MAP3K3: variants seen among roughly 807,000 people sequenced by gnomAD.
MAP3K3 encodes mitogen-activated protein kinase kinase kinase 3, also known as MAP/ERK kinase kinase 3.
MAP3K3 carries 12 observed loss-of-function variants against 80.9 expected under a neutral mutation model. The ratio of observed to expected loss-of-function variants is 0.15; its 90% CI spans 0.10 to 0.24. The LOEUF is 0.24. MAP3K3 is among the 10% of genes least tolerant of loss of function. The probability of loss-of-function intolerance (pLI) is 1.00; values close to 1 mark genes in which losing one functional copy is unlikely to be tolerated. For synonymous variants in MAP3K3, 272 were observed against 307.1 expected, an observed-to-expected ratio of 0.89 and a Z score of 1.19; for missense variants, 596 against 834.7, an observed-to-expected ratio of 0.71 and a Z score of 3.52.
At chr17:63,636,729 C>A in intron 2 of MAP3K3, 1 of 291,824 alleles carries the variant, frequency 3.4e-6, no homozygotes, top group Admixed American at 3.9e-5. Context: ...GTGACAAGGA[C>A]AATGACATTG....
At chr17:63,640,138 G>A (rs1350931242) in intron 2 of MAP3K3, among the ~76,000 whole-genome samples, 1 of 152,182 alleles carries the variant, frequency 6.6e-6, no homozygotes, top group Non-Finnish European at 1.5e-5. Context: ...CACTGAGCCA[G>A]GCATGGTGAC....
At position 63,688,776 on chromosome 17, in the gene MAP3K3, C is replaced by G; in HGVS notation, c.779-13C>G. On this transcript the variant is annotated splice_polypyrimidine_tract_variant and intron_variant, in intron 9 of 15. Transcript: ENST00000361733. The stretch of plus-strand genomic sequence containing the variant: ...ACCTACCCAGAAGCCAGTGATTCCC[C>G]TGTCTTACTCAGATCGGGAAACTCA... The G allele has an allele frequency of 6.3e-7, 1 of 1,598,124 alleles. No individual in the cohort carries two copies. Among genetic ancestry groups the G allele is most frequent in the South Asian group, 1.1e-5 (1 of 90,780 alleles).
chr17:63,655,177 C>G (rs1253487995), intron 4 of MAP3K3, among the ~76,000 whole-genome samples: 1 of 152,004 alleles, frequency 6.6e-6, no homozygotes, highest in African/African-American at 2.4e-5. Context: ...CTTCACATGG[C>G]GACAGGAGAG....
In MAP3K3 at chr17:63,691,798, G is replaced by A. The variant is rs192462187; in HGVS notation, c.1410G>A (p.Thr470=). Residue 470 remains threonine, a synonymous_variant, in exon 14 of 16, where the codon ACG becomes ACA. Transcript: ENST00000361733. This position sits in a 1 kb window ranked among gnomAD's most constrained non-coding sequence, Gnocchi z 4.8. ...ALTESVTRKY[T]RQILEGMSYL... ...CAGAGAGCGTGACCCGAAAGTACAC[G>A]CGGCAGATCCTGGAGGGCATGTCCT... 4.3e-4 allele frequency: 690 copies of A among 1,614,128 alleles called. No homozygotes were observed. Among genetic ancestry groups the A allele is most frequent in the Middle Eastern group, 9.9e-4 (6 of 6,062 alleles).
chr17:63,624,700 C>T (rs1158753641), intron 1 of MAP3K3, among the ~76,000 whole-genome samples: 3 of 152,194 alleles, frequency 2.0e-5, no homozygotes, highest in African/African-American at 7.2e-5. Context: ...AATTAACTTC[C>T]CTGGTGGCTG....
chr17:63,660,471 G>A (rs545805704), intron 5 of MAP3K3, among the ~76,000 whole-genome samples: 2 of 151,584 alleles, frequency 1.3e-5, no homozygotes, highest in African/African-American at 2.4e-5. Context: ...TCTCAGCCTC[G>A]CAAAGTGCTG....
intron 1 of MAP3K3, among the ~76,000 whole-genome samples, chr17:63,624,670 TA>T (rs2034065091): frequency 6.6e-6 from 1 of 152,206 alleles, no homozygotes; most frequent in South Asian, 2.1e-4. Context: ...AAGACACATG[TA>T]AAAGGAACAT....
At chr17:63,671,916 G>T (rs967583697) in intron 6 of MAP3K3, among the ~76,000 whole-genome samples, 1 of 151,926 alleles carries the variant, frequency 6.6e-6, no homozygotes, top group African/African-American at 2.4e-5. Flanking sequence ...GGAGGCTAAG[G>T]TGGGAGGATG....
rs2035680583 is a variant in MAP3K3, at chr17:63,695,806, CCAA to C, written c.*2033_*2035del. Reference sequence around the variant, plus strand: ...TTTTGAAAATGAATTTGAAGACAAGCCAACAAACCCTGCACTCCAAAAAAGCAA... The same window carrying C: ...TTTTGAAAATGAATTTGAAGACAAGCCAAACCCTGCACTCCAAAAAAGCAA... On this transcript the variant is annotated 3_prime_UTR_variant, in exon 16 of 16. Transcript: ENST00000361733. This position sits in a 1 kb window ranked among gnomAD's most constrained non-coding sequence, Gnocchi z 4.1. 6.6e-6 allele frequency: 1 copy of C among 152,602 alleles called. No homozygotes were observed. 9.5% of individuals were successfully genotyped at this position (152,602 alleles called of 1,614,324 possible). A position where few individuals can be genotyped will look rare whatever the true frequency, so the allele number is the denominator to read the frequency against.
intron 3 of MAP3K3, among the ~76,000 whole-genome samples, chr17:63,649,443 AAAAAAG>A: frequency 7.0e-6 from 1 of 142,402 alleles, no homozygotes; most frequent in Non-Finnish European, 1.5e-5. Context: ...AAAAAAAAAA[AAAAAAG>A]TAGACAGGAT....
rs556441491 is a variant in MAP3K3, at chr17:63,644,375, C to T, written c.127-1659C>T. On this transcript the variant is annotated intron_variant, in intron 2 of 15. Transcript: ENST00000361733. ...GATTACAGGTGTGCGCCATTACTCACGGCACACTTTTTGTATTTTAAGTAG... is the reference window on the plus strand; with the variant it reads ...GATTACAGGTGTGCGCCATTACTCATGGCACACTTTTTGTATTTTAAGTAG... 2.9e-4 allele frequency among the ~76,000 whole-genome samples: 44 copies of T among 151,934 alleles called. No individual in the cohort carries two copies. In the South Asian group the frequency reaches 7.1e-3, roughly 24 times the overall value.
At chr17:63,670,586 CAA>C (rs756058538) in intron 6 of MAP3K3, among the ~76,000 whole-genome samples, 7 of 79,952 alleles carry the variant, frequency 8.8e-5, no homozygotes, top group Non-Finnish European at 1.2e-4. Context: ...GACTCTGTCT[CAA>C]AAAAAAAAAA....
intron 5 of MAP3K3, among the ~76,000 whole-genome samples, chr17:63,660,273 T>C (rs1302224690): frequency 6.6e-6 from 1 of 152,068 alleles, no homozygotes; most frequent in Non-Finnish European, 1.5e-5. Flanking sequence ...CAGTGACAGC[T>C]CACCACAGCC....
At chr17:63,650,650 G>C (rs1252373898) in intron 3 of MAP3K3, among the ~76,000 whole-genome samples, 6 of 141,352 alleles carry the variant, frequency 4.2e-5, no homozygotes, top group East Asian at 2.1e-4. Flanking sequence ...CTCTCTCTCT[G>C]TCTCTTATAG....
intron 1 of MAP3K3, among the ~76,000 whole-genome samples, chr17:63,631,739 A>G (rs1393109392): frequency 6.6e-6 from 1 of 152,212 alleles, no homozygotes; most frequent in East Asian, 1.9e-4. Flanking sequence ...TAATGCCAGT[A>G]AGGTGGAGAC....
chr17:63,632,220 G>A (rs1455750325), intron 1 of MAP3K3, among the ~76,000 whole-genome samples: 1 of 152,154 alleles, frequency 6.6e-6, no homozygotes, highest in African/African-American at 2.4e-5. Context: ...AGGCATGGTG[G>A]CCCACACCTG....
chr17:63,640,708 A>G (rs2034422209), intron 2 of MAP3K3, among the ~76,000 whole-genome samples: 1 of 152,212 alleles, frequency 6.6e-6, no homozygotes, highest in Non-Finnish European at 1.5e-5. Context: ...CAGTGATTTA[A>G]CACAGTATTC....
chr17:63,636,285 T>G (rs1441196940), intron 2 of MAP3K3, among the ~76,000 whole-genome samples: 1 of 152,242 alleles, frequency 6.6e-6, no homozygotes, highest in Non-Finnish European at 1.5e-5. Flanking sequence ...GGCAGTGAGC[T>G]ATTAACAATT....
chr17:63,695,145 G>A lies in MAP3K3; in HGVS notation c.*1368G>A, dbSNP rs2035667107. On this transcript the variant is annotated 3_prime_UTR_variant, in exon 16 of 16. Coordinates refer to ENST00000361733, the MANE Select transcript of MAP3K3 (RefSeq NM_002401.5). This position sits in a 1 kb window ranked among gnomAD's most constrained non-coding sequence, Gnocchi z 4.1. Reference sequence around the variant, plus strand: ...GGATGGGCATCTCCAGGGAGCTGGGGATTAGTGCCAGGCAGCCCTGCCAGC... The same window carrying A: ...GGATGGGCATCTCCAGGGAGCTGGGAATTAGTGCCAGGCAGCCCTGCCAGC... 6.6e-6 allele frequency: 1 copy of A among 151,910 alleles called. No homozygotes were observed. The highest frequency in any genetic ancestry group is 2.1e-4 in the South Asian group (1 of 4,802). 9.4% of individuals were successfully genotyped at this position (151,910 alleles called of 1,614,324 possible).
Sources: allele counts gnomAD v4.1 joint callset (sites outside exome capture counted in the v4.1 genomes callset), GRCh38; gene constraint gnomAD v4.1.1; non-coding constraint Gnocchi (gnomAD v3.1); transcripts MANE v1.5; gene names NCBI Gene and HGNC (gene_info 2026-07-23, HGNC 2026-07-21).